The following PHKB variants were observed in gnomAD, a reference collection of about 807,000 sequenced individuals.
PHKB encodes the protein phosphorylase kinase regulatory subunit beta, also known as phosphorylase b kinase regulatory subunit beta.
PHKB carries 122 observed loss-of-function variants against 152.1 expected under a neutral mutation model. The ratio of observed to expected loss-of-function variants is 0.80; its 90% CI spans 0.69 to 0.93. The LOEUF (loss-of-function observed/expected upper bound fraction) is 0.93, where lower values mean the gene tolerates loss of function less well. Ranked by LOEUF, PHKB falls within the 40% of genes least tolerant of loss-of-function variation. The pLI is 0.00. For missense variants in PHKB, 1,304 were observed against 1,328.4 expected, an observed-to-expected ratio of 0.98 and a Z score of 0.29; for synonymous variants, 436 against 464.9, an observed-to-expected ratio of 0.94 and a Z score of 0.80.
At chr16:47,534,107 C>T (rs1970910763) in intron 6 of PHKB, among the ~76,000 whole-genome samples, 1 of 152,256 alleles carries the variant, frequency 6.6e-6, no homozygotes, top group Admixed American at 6.5e-5. Context: ...GGACTCCCTC[C>T]TGTTCCTGGC....
Position 47,669,264 on chromosome 16 carries a change from T to G in PHKB, c.2477T>G (p.Leu826Trp). 6.2e-7 allele frequency: 1 copy of G among 1,614,144 alleles called. No individual in the cohort carries two copies. The highest frequency in any genetic ancestry group is 8.5e-7 in the Non-Finnish European group (1 of 1,180,002). ...GHEEEVISNP[L>W]SPRVIQNIIY... ...GAAGAAGAAGTTATCTCTAATCCTT[T>G]GTCTCCAAGAGTGATTCAAAACATC... Residue 826 changes from leucine to tryptophan, a missense_variant, in exon 26 of 31, where the codon TTG (leucine) becomes TGG (tryptophan). Coordinates refer to ENST00000323584, the MANE Select transcript of PHKB (RefSeq NM_000293.3).
In PHKB at chr16:47,589,065, A is replaced by T. The variant is rs375710008; in HGVS notation, c.1031A>T (p.Asp344Val). ...LRDGYRTSLE[D>V]PNRCYYKPAE... ...GATGGGTATAGAACATCATTGGAAG[A>T]TCCCAACAGATGCTACTACAAGCCA... Residue 344 changes from aspartate to valine, a missense_variant, in exon 10 of 31, where the codon GAT becomes GTT. Physicochemically the swap from Asp to Val is radical, Grantham distance 152. Transcript: ENST00000323584. 2.7e-5 allele frequency: 44 copies of T among 1,613,340 alleles called. No homozygotes were observed. Among genetic ancestry groups the T allele is most frequent in the Middle Eastern group, 1.6e-4 (1 of 6,078 alleles).
At chr16:47,505,236 A>C (rs1970393476) in intron 4 of PHKB, among the ~76,000 whole-genome samples, 1 of 152,180 alleles carries the variant, frequency 6.6e-6, no homozygotes, top group Admixed American at 6.5e-5. Context: ...CGGGTATGGA[A>C]TGTGAGTGCC....
At chr16:47,588,813 C>T (rs1273325108) in intron 9 of PHKB, 92 bp from the exon 10 acceptor site, 2 of 1,085,508 alleles carry the variant, frequency 1.8e-6, no homozygotes, top group Non-Finnish European at 2.8e-6. Context: ...GACTGCATAA[C>T]CTCACTGGCT....
chr16:47,569,151 A>G (rs1181176047), intron 7 of PHKB, among the ~76,000 whole-genome samples: 1 of 152,000 alleles, frequency 6.6e-6, no homozygotes, highest in Non-Finnish European at 1.5e-5. Context: ...CTTGCTGTCT[A>G]CCTCTCTTCT....
At chr16:47,660,588 T>A (rs777704807) in intron 21 of PHKB, 21 bp downstream of exon 21, 2 of 1,613,162 alleles carry the variant, frequency 1.2e-6, no homozygotes, top group Non-Finnish European at 1.7e-6. Context: ...TTGGGTTATT[T>A]CATTTTTGGG....
At chr16:47,602,301 T>G (rs1249046260) in intron 13 of PHKB, among the ~76,000 whole-genome samples, 2 of 152,234 alleles carry the variant, frequency 1.3e-5, no homozygotes, top group Non-Finnish European at 2.9e-5. Context: ...AGTGATAAAA[T>G]GGATATAGAA....
chr16:47,558,298 GGT>G (rs1449553243), intron 7 of PHKB, among the ~76,000 whole-genome samples: 1 of 151,128 alleles, frequency 6.6e-6, no homozygotes, highest in Non-Finnish European at 1.5e-5. Flanking sequence ...CGAGTTAATG[GGT>G]GCAGCACACC....
chr16:47,628,702 C>G (rs1343617885), intron 14 of PHKB, among the ~76,000 whole-genome samples: 1 of 152,032 alleles, frequency 6.6e-6, no homozygotes, highest in East Asian at 1.9e-4. Context: ...CAAAAAAGAG[C>G]CCGCATCGCC....
chr16:47,554,590 G>C (rs1026579387), intron 7 of PHKB, among the ~76,000 whole-genome samples: 1 of 152,160 alleles, frequency 6.6e-6, no homozygotes, highest in South Asian at 2.1e-4. Context: ...CAGCTAGCTC[G>C]GTGTCTTCCC....
chr16:47,500,840 CT>C (rs1970313533), intron 3 of PHKB, among the ~76,000 whole-genome samples: 1 of 152,144 alleles, frequency 6.6e-6, no homozygotes, highest in African/African-American at 2.4e-5. Context: ...GATTAACTTT[CT>C]GAATATTAAT....
chr16:47,608,001 A>G (rs1435859605), intron 13 of PHKB, among the ~76,000 whole-genome samples: 1 of 151,874 alleles, frequency 6.6e-6, no homozygotes, highest in Non-Finnish European at 1.5e-5. Context: ...AAGCCTATAT[A>G]GACACTGTGG....
At chr16:47,564,148 G>T (rs1171069627) in intron 7 of PHKB, among the ~76,000 whole-genome samples, 2 of 151,808 alleles carry the variant, frequency 1.3e-5, no homozygotes, top group Non-Finnish European at 2.9e-5. Flanking sequence ...ACACATGCAG[G>T]TATCTTTTTT....
At chr16:47,571,463 A>G (rs1415043220) in intron 7 of PHKB, among the ~76,000 whole-genome samples, 1 of 151,814 alleles carries the variant, frequency 6.6e-6, no homozygotes, top group Non-Finnish European at 1.5e-5. Context: ...CAGGAAAGCA[A>G]CCTCCCTGTC....
At chr16:47,676,924 T>C (rs781174958) in intron 26 of PHKB, among the ~76,000 whole-genome samples, 2 of 152,198 alleles carry the variant, frequency 1.3e-5, no homozygotes, top group Non-Finnish European at 2.9e-5. Context: ...TTATCAAGTA[T>C]TTTTCATCTC....
intron 13 of PHKB, chr16:47,597,771 A>G (rs944917540): frequency 6.7e-6 from 1 of 150,088 alleles, no homozygotes; most frequent in Non-Finnish European, 1.5e-5. Context: ...TGCCAGATAT[A>G]AATTTCAGGA....
chr16:47,612,315 G>A (rs1255964485), intron 14 of PHKB, among the ~76,000 whole-genome samples: 1 of 152,200 alleles, frequency 6.6e-6, no homozygotes, highest in Non-Finnish European at 1.5e-5. Context: ...ATAGGTCACA[G>A]ATTTGAGGTG....
chr16:47,613,096 T>C (rs1158229962), intron 14 of PHKB, among the ~76,000 whole-genome samples: 1 of 152,152 alleles, frequency 6.6e-6, no homozygotes, highest in Admixed American at 6.5e-5. Context: ...ATGGTAGAAG[T>C]GCTTGTTCCC....
At chr16:47,651,721 A>G (rs762996576) in intron 20 of PHKB, among the ~76,000 whole-genome samples, 9 of 152,202 alleles carry the variant, frequency 5.9e-5, no homozygotes, top group Non-Finnish European at 1.3e-4. Context: ...ATTAAATAAG[A>G]AAGAGGAAAG....
Sources: allele counts gnomAD v4.1 joint callset (sites outside exome capture counted in the v4.1 genomes callset), GRCh38; gene constraint gnomAD v4.1.1; transcripts MANE v1.5; gene names NCBI Gene and HGNC (gene_info 2026-07-23, HGNC 2026-07-21).